ATG7: variants seen among roughly 807,000 people sequenced by gnomAD.
The protein encoded by ATG7 is ubiquitin-like modifier-activating enzyme ATG7.
Under a neutral mutation model 82.4 loss-of-function variants are expected in ATG7, and 70 were observed. The observed-to-expected ratio is 0.85, with a 90% CI of 0.70 to 1.04. ATG7 has a LOEUF of 1.04. Among genes scored for constraint, ATG7 ranks in the 50% least tolerant of loss-of-function variants. ATG7 has a pLI of 0.00. For missense variants in ATG7, 792 were observed against 864.3 expected, an observed-to-expected ratio of 0.92 and a Z score of 1.05; for synonymous variants, 287 against 313.0, an observed-to-expected ratio of 0.92 and a Z score of 0.88.
chr3:11,317,125 C>T (rs1231109003), intron 9 of ATG7, among the ~76,000 whole-genome samples: 1 of 152,148 alleles, frequency 6.6e-6, no homozygotes, highest in Non-Finnish European at 1.5e-5. Context: ...CAGGCGTGAG[C>T]CACCACTCCT....
At chr3:11,355,405 T>G (rs1332236949) in intron 14 of ATG7, among the ~76,000 whole-genome samples, 2 of 152,320 alleles carry the variant, frequency 1.3e-5, no homozygotes, top group Admixed American at 6.5e-5. Context: ...AATTTAAAAC[T>G]TCTGCTTCTC....
At chr3:11,550,340 G>T (rs958138167) in intron 20 of ATG7, among the ~76,000 whole-genome samples, 1 of 151,620 alleles carries the variant, frequency 6.6e-6, no homozygotes, top group Non-Finnish European at 1.5e-5. Context: ...TTTTTTCTGA[G>T]AACTGGCCGT....
intron 20 of ATG7, among the ~76,000 whole-genome samples, chr3:11,535,198 G>A (rs1233550180): frequency 6.6e-6 from 1 of 152,218 alleles, no homozygotes. Context: ...CTGAGCCTTA[G>A]CTGAGTGCCC....
intron 20 of ATG7, among the ~76,000 whole-genome samples, chr3:11,544,811 C>A (rs916956378): frequency 2.0e-5 from 3 of 152,236 alleles, no homozygotes; most frequent in African/African-American, 7.2e-5. Flanking sequence ...ATCATTGTTC[C>A]TGCAAAGCCT....
At chr3:11,385,903 GT>G (rs1325355329) in intron 19 of ATG7, among the ~76,000 whole-genome samples, 1 of 152,198 alleles carries the variant, frequency 6.6e-6, no homozygotes, top group Non-Finnish European at 1.5e-5. Context: ...TGTGAGTGCC[GT>G]TTTAATTTTG....
Position 11,298,819 on chromosome 3 carries a change from G to A in ATG7, c.124G>A (p.Glu42Lys). Residue 42 changes from glutamate to lysine, a missense_variant, in exon 4 of 21, where the codon GAA becomes AAA. Glu to Lys is a moderately conservative substitution (Grantham distance 56, BLOSUM62 1). Coordinates refer to ENST00000693202, the MANE Select transcript of ATG7 (RefSeq NM_001349232.2). ...GAAGCTGAACGAGTATCGGCTGGATGAAGCTCCCAAGGACATTAAGGGTTA... is the reference window on the plus strand; with the variant it reads ...GAAGCTGAACGAGTATCGGCTGGATAAAGCTCCCAAGGACATTAAGGGTTA... ...QKKLNEYRLD[E>K]APKDIKGYYY... The A allele has an allele frequency of 6.2e-7, 1 of 1,614,184 alleles. No individual in the cohort carries two copies. Among genetic ancestry groups the A allele is most frequent in the Non-Finnish European group, 8.5e-7 (1 of 1,180,032 alleles).
Position 11,360,645 on chromosome 3 carries a change from C to T in ATG7, c.1544C>T (p.Pro515Leu), listed in dbSNP as rs745442107. ...GTCATGAGACATGGTCTGAAGAAACCAAAGCAGCAAGGAGCTGGGGACTTG... is the reference window on the plus strand; with the variant it reads ...GTCATGAGACATGGTCTGAAGAAACTAAAGCAGCAAGGAGCTGGGGACTTG... The part of the protein sequence containing the change: ...FVVMRHGLKK[P>L]KQQGAGDLCP... The change falls in exon 16 of 21, where the codon CCA becomes CTA. Residue 515 changes from proline (P) to leucine (L), a missense_variant. Coordinates refer to ENST00000693202, the MANE Select transcript of ATG7 (RefSeq NM_001349232.2). 9.3e-6 allele frequency: 15 copies of T among 1,614,120 alleles called. No individual in the cohort carries two copies. The Admixed American group carries it at 2.5e-4, about 27-fold the overall frequency.
At chr3:11,564,849 G>A in the ATG7 span, 3 of 1,604,794 alleles carry the variant, frequency 1.9e-6, no homozygotes, top group Non-Finnish European at 2.5e-6. Flanking sequence ...TGGCCTGCTG[G>A]CGTCCAGGCT....
At chr3:11,519,494 C>CAAA (rs2092375101) in intron 20 of ATG7, among the ~76,000 whole-genome samples, 2 of 129,236 alleles carry the variant, frequency 1.5e-5, no homozygotes, top group African/African-American at 5.6e-5. Context: ...GTCTTGCTTT[C>CAAA]ATCATATTAT....
chr3:11,500,646 T>G (rs1049310819), intron 20 of ATG7, among the ~76,000 whole-genome samples: 8 of 152,062 alleles, frequency 5.3e-5, no homozygotes, highest in African/African-American at 1.9e-4. Context: ...CAACTTAAGG[T>G]TTTTTTGTTT....
chr3:11,566,205 CACTG>C, the ATG7 span, among the ~76,000 whole-genome samples: 1 of 152,122 alleles, frequency 6.6e-6, no homozygotes, highest in Non-Finnish European at 1.5e-5. Context: ...GTTACACACA[CACTG>C]AATGTTACAC....
Position 11,426,893 on chromosome 3 carries a change from T to TA in ATG7, c.2047dup (p.Thr683AsnfsTer11). The TA allele has an allele frequency of 6.2e-7, 1 of 1,609,370 alleles. No individual in the cohort carries two copies. ...CCTTCTTAGAAGACTTGACTGGTCTTACATTGCTGCATCAAGAAACCCAAG... is the reference window on the plus strand; with the variant it reads ...CCTTCTTAGAAGACTTGACTGGTCTTAACATTGCTGCATCAAGAAACCCAAG... On this transcript the variant is annotated frameshift_variant, in exon 20 of 21. Coordinates refer to ENST00000693202, the MANE Select transcript of ATG7 (RefSeq NM_001349232.2). LOFTEE classifies it high-confidence loss of function.
chr3:11,397,463 A>AT (rs1576068246), intron 19 of ATG7, among the ~76,000 whole-genome samples: 4 of 151,870 alleles, frequency 2.6e-5, no homozygotes, highest in Non-Finnish European at 2.9e-5. Context: ...GAAATAAATG[A>AT]TTTTTCCCCC....
chr3:11,320,089 G>A (rs774943182), intron 9 of ATG7, among the ~76,000 whole-genome samples: 3 of 152,156 alleles, frequency 2.0e-5, no homozygotes, highest in South Asian at 2.1e-4. Flanking sequence ...AAGTCATTCC[G>A]TGTTCCCTGC....
At chr3:11,392,799 G>A (rs1448092549) in intron 19 of ATG7, among the ~76,000 whole-genome samples, 1 of 152,172 alleles carries the variant, frequency 6.6e-6, no homozygotes, top group Non-Finnish European at 1.5e-5. Context: ...TCCTAATGGT[G>A]CAAGTTTTTT....
At chr3:11,299,945 G>C (rs1444644883) in intron 5 of ATG7, among the ~76,000 whole-genome samples, 1 of 146,802 alleles carries the variant, frequency 6.8e-6, no homozygotes, top group Admixed American at 6.9e-5. Context: ...TTTTTTTTGA[G>C]ACAGGATCTC....
At chr3:11,510,255 CGG>C in intron 20 of ATG7, 1 of 456,662 alleles carries the variant, frequency 2.2e-6, no homozygotes, top group East Asian at 7.0e-5. Flanking sequence ...ACTCAGGAGT[CGG>C]CTGCCTGTCC....
chr3:11,423,679 C>T (rs1288003615), intron 19 of ATG7, among the ~76,000 whole-genome samples: 2 of 151,934 alleles, frequency 1.3e-5, no homozygotes, highest in African/African-American at 4.8e-5. Flanking sequence ...TCAGCCTGGG[C>T]TTGACTCTAC....
At chr3:11,331,931 A>G (rs1951701151) in intron 10 of ATG7, among the ~76,000 whole-genome samples, 1 of 152,238 alleles carries the variant, frequency 6.6e-6, no homozygotes, top group African/African-American at 2.4e-5. Context: ...GTCTGTACCA[A>G]GTGTTGTCGA....
Sources: gnomAD v4.1 joint callset for allele counts (sites outside exome capture counted in the v4.1 genomes callset) on GRCh38, gnomAD v4.1.1 for gene constraint, MANE v1.5 for transcripts, NCBI Gene and HGNC (gene_info 2026-07-23, HGNC 2026-07-21) for gene names.